XPO7: variants seen among roughly 807,000 people sequenced by gnomAD.
XPO7 encodes the protein exportin 7, also known as exportin-7.
A neutral mutation model predicts 144.3 loss-of-function variants in XPO7; 21 were observed. That is an observed-to-expected ratio of 0.15 (90% CI 0.10 to 0.21). XPO7 has a LOEUF of 0.21. XPO7 is among the 10% of genes least tolerant of loss of function. The probability of loss-of-function intolerance (pLI) is 1.00; values close to 1 mark genes in which losing one functional copy is unlikely to be tolerated. For synonymous variants in XPO7, 580 were observed against 499.6 expected, an observed-to-expected ratio of 1.16 and a Z score of -2.15; for missense variants, 808 against 1,325.8, an observed-to-expected ratio of 0.61 and a Z score of 6.06.
At chr8:21,954,627 C>G (rs1811477431) in intron 1 of XPO7, among the ~76,000 whole-genome samples, 1 of 151,932 alleles carries the variant, frequency 6.6e-6, no homozygotes, top group African/African-American at 2.4e-5. Flanking sequence ...GAGTGAGACT[C>G]CATCTCAAAA....
intron 13 of XPO7, among the ~76,000 whole-genome samples, chr8:21,986,015 G>T (rs1812567412): frequency 6.6e-6 from 1 of 152,078 alleles, no homozygotes; most frequent in Non-Finnish European, 1.5e-5. Flanking sequence ...AGTCTAAAAG[G>T]AAACTGCAGT....
At chr8:21,946,214 C>T (rs116850511) in intron 1 of XPO7, among the ~76,000 whole-genome samples, 2,464 of 152,150 alleles carry the variant, frequency 0.016, 91 homozygotes, top group South Asian at 0.16. Context: ...GCTCACACTT[C>T]GGATACTGAC....
Position 22,005,193 on chromosome 8 carries a change from C to CACACCCCTGGAGAAA in XPO7, c.*106_*107insCACCCCTGGAGAAAA. 1.0e-6 allele frequency: 1 copy of CACACCCCTGGAGAAA among 978,658 alleles called. No individual in the cohort carries two copies. The highest frequency in any genetic ancestry group is 1.5e-6 in the Non-Finnish European group (1 of 672,452). 60.6% of individuals were successfully genotyped at this position (978,658 alleles called of 1,614,324 possible). A position where few individuals can be genotyped will look rare whatever the true frequency, so the allele number is the denominator to read the frequency against. On this transcript the variant is annotated 3_prime_UTR_variant, in exon 28 of 28. Coordinates refer to ENST00000252512, the MANE Select transcript of XPO7 (RefSeq NM_015024.5). ...CCTGGCTGATCCTGGCTCTTTTCTC[C>CACACCCCTGGAGAAA]AGGGGTGTGGGGAAAATGGCAAAGG...
chr8:21,933,403 C>G (rs1246316410), intron 1 of XPO7, among the ~76,000 whole-genome samples: 7 of 152,040 alleles, frequency 4.6e-5, no homozygotes, highest in Non-Finnish European at 1.0e-4. Context: ...CCCGGCCCCT[C>G]CTTTTGCTGG....
At chr8:21,996,809 TTTAG>T (rs901423631) in intron 21 of XPO7, among the ~76,000 whole-genome samples, 24 of 152,194 alleles carry the variant, frequency 1.6e-4, no homozygotes, top group African/African-American at 4.6e-4. Context: ...TATTTATTTA[TTTAG>T]TTAGTTATGT....
intron 26 of XPO7, 96 bp downstream of exon 26, chr8:22,003,413 C>A: frequency 3.2e-6 from 3 of 925,696 alleles, no homozygotes; most frequent in South Asian, 3.4e-5. Flanking sequence ...AGAAACACCC[C>A]ACGGTGGTGA....
intron 5 of XPO7, 146 bp from the exon 6 acceptor site, chr8:21,974,524 G>A (rs1375824355): frequency 1.2e-5 from 7 of 596,192 alleles, no homozygotes; most frequent in African/African-American, 3.8e-5. Context: ...TCACTAGATA[G>A]CGTTTCACAA....
chr8:21,925,189 A>T (rs1467214138), intron 1 of XPO7, among the ~76,000 whole-genome samples: 1 of 152,224 alleles, frequency 6.6e-6, no homozygotes, highest in African/African-American at 2.4e-5. Context: ...ATTGGTACCC[A>T]GGAGGCATAT....
At chr8:21,964,166 C>T (rs1015966257) in intron 1 of XPO7, 3 of 152,122 alleles carry the variant, frequency 2.0e-5, no homozygotes, top group Non-Finnish European at 2.9e-5. Context: ...AGAAGTTTCT[C>T]CATGGATTAT....
chr8:21,993,915 GTCTCTCTCTC>G (rs146886015), intron 19 of XPO7, among the ~76,000 whole-genome samples: 2 of 141,042 alleles, frequency 1.4e-5, no homozygotes, highest in Admixed American at 7.2e-5. Context: ...TCTTTGCCGT[GTCTCTCTCTC>G]TCTCTCTCTC....
chr8:21,932,831 G>A (rs1235638389), intron 1 of XPO7, among the ~76,000 whole-genome samples: 4 of 152,172 alleles, frequency 2.6e-5, no homozygotes, highest in Non-Finnish European at 5.9e-5. Flanking sequence ...CTGTGATATA[G>A]AGGTGTATAC....
chr8:21,938,629 A>G (rs1319191425), intron 1 of XPO7, among the ~76,000 whole-genome samples: 1 of 152,208 alleles, frequency 6.6e-6, no homozygotes, highest in African/African-American at 2.4e-5. Context: ...CTCAACGATT[A>G]AATTATAACT....
chr8:22,005,076 C>T lies in XPO7; in HGVS notation c.3252C>T (p.Asp1084=), dbSNP rs1212225674. The stretch of plus-strand genomic sequence containing the variant: ...CCACTTATGGCGTGAATAGCAATGA[C>T]ATGATGAGCTGACACCTCCTTGGAC... ...KNSTYGVNSN[D]MMS is the part of the protein sequence containing the mutation. Residue 1084 remains aspartate (D), a synonymous_variant, in exon 28 of 28, where the codon GAC becomes GAT. Transcript: ENST00000252512. 3 of 1,612,968 alleles carry T rather than the reference C, an allele frequency of 1.9e-6. No homozygotes were observed. Among genetic ancestry groups the T allele is most frequent in the Non-Finnish European group, 1.7e-6 (2 of 1,179,432 alleles).
intron 24 of XPO7, among the ~76,000 whole-genome samples, chr8:22,001,303 C>T (rs1263022059): frequency 6.7e-6 from 1 of 148,698 alleles, no homozygotes; most frequent in Admixed American, 6.7e-5. Context: ...AACGAGACTC[C>T]GTATCAAAAA....
At chr8:21,954,189 GA>G (rs1319906223) in intron 1 of XPO7, among the ~76,000 whole-genome samples, 1 of 152,206 alleles carries the variant, frequency 6.6e-6, no homozygotes, top group Non-Finnish European at 1.5e-5. Flanking sequence ...TGGCCTCAGA[GA>G]ATTGGTGATT....
intron 1 of XPO7, among the ~76,000 whole-genome samples, chr8:21,945,174 A>G (rs1811144112): frequency 6.6e-6 from 1 of 151,952 alleles, no homozygotes; most frequent in South Asian, 2.1e-4. Context: ...CACTTCCCAG[A>G]CGGGGCAGCT....
At chr8:21,947,772 A>G (rs1811239621) in intron 1 of XPO7, among the ~76,000 whole-genome samples, 1 of 152,216 alleles carries the variant, frequency 6.6e-6, no homozygotes, top group Non-Finnish European at 1.5e-5. Context: ...TGAGGGAAAA[A>G]GCAATCTACA....
intron 13 of XPO7, among the ~76,000 whole-genome samples, chr8:21,986,710 A>AG (rs1812590752): frequency 6.6e-6 from 1 of 152,184 alleles, no homozygotes; most frequent in South Asian, 2.1e-4. Flanking sequence ...ATTGGTTCTG[A>AG]GCTTGAGTGT....
intron 7 of XPO7, 33 bp downstream of exon 7, chr8:21,976,554 T>A (rs1311711472): frequency 6.3e-7 from 1 of 1,596,382 alleles, no homozygotes; most frequent in Non-Finnish European, 8.5e-7. Flanking sequence ...AAAGGCTGTC[T>A]GTCACTCCCC....
Sources: gnomAD v4.1 joint callset for allele counts (sites outside exome capture counted in the v4.1 genomes callset) on GRCh38, gnomAD v4.1.1 for gene constraint, MANE v1.5 for transcripts, NCBI Gene and HGNC (gene_info 2026-07-23, HGNC 2026-07-21) for gene names.